The following MAGI1 variants were observed in gnomAD, a reference collection of about 807,000 sequenced individuals.
The protein encoded by MAGI1 is membrane-associated guanylate kinase, WW and PDZ domain-containing protein 1.
Under a neutral mutation model 139.9 loss-of-function variants are expected in MAGI1, and 58 were observed. The ratio of observed to expected loss-of-function variants is 0.41; its 90% CI spans 0.34 to 0.52. MAGI1 has a LOEUF of 0.52. MAGI1 is among the 20% of genes least tolerant of loss of function. MAGI1 has a pLI of 0.12. For missense variants in MAGI1, 1,874 were observed against 1,901.6 expected, an observed-to-expected ratio of 0.99 and a Z score of 0.27; for synonymous variants, 812 against 737.9, an observed-to-expected ratio of 1.10 and a Z score of -1.63.
chr3:65,886,630 C>T (rs1004506433), intron 1 of MAGI1, among the ~76,000 whole-genome samples: 4 of 152,158 alleles, frequency 2.6e-5, no homozygotes, highest in Non-Finnish European at 5.9e-5. Flanking sequence ...CTCTTGTCTC[C>T]GTCTCACTAG....
At chr3:65,365,871 T>G (rs1941374771) in intron 18 of MAGI1, among the ~76,000 whole-genome samples, 1 of 152,212 alleles carries the variant, frequency 6.6e-6, no homozygotes, top group African/African-American at 2.4e-5. Context: ...TATTCCAAAC[T>G]GAGATACCTA....
Position 65,665,822 on chromosome 3 carries a change from G to C in MAGI1, c.314-43734C>G, listed in dbSNP as rs150559465. Among the ~76,000 whole-genome samples, 33 of 152,254 alleles carry C rather than the reference G, an allele frequency of 2.2e-4. No homozygotes were observed. In the East Asian group the frequency reaches 5.6e-3, roughly 26 times the overall value. On this transcript the variant is annotated intron_variant, in intron 1 of 22. Coordinates refer to ENST00000402939, the MANE Select transcript of MAGI1 (RefSeq NM_001033057.2). ...ATGTTTTAAAGGCTCCTCATCCACA[G>C]ACCCATGTTTATGAACCACTGTGAT...
intron 1 of MAGI1, among the ~76,000 whole-genome samples, chr3:65,836,305 T>C (rs2042801523): frequency 6.6e-6 from 1 of 152,240 alleles, no homozygotes; most frequent in Non-Finnish European, 1.5e-5. Flanking sequence ...TACTCAGTGA[T>C]ATGTTGGATG....
chr3:65,591,418 C>A (rs1425994524), intron 2 of MAGI1, among the ~76,000 whole-genome samples: 1 of 152,154 alleles, frequency 6.6e-6, no homozygotes, highest in East Asian at 1.9e-4. Context: ...CCACTTTGTA[C>A]ACCTCCACTA....
chr3:66,006,455 G>A (rs896292142), intron 1 of MAGI1, among the ~76,000 whole-genome samples: 1 of 152,144 alleles, frequency 6.6e-6, no homozygotes, highest in African/African-American at 2.4e-5. Flanking sequence ...ACATGTATAT[G>A]TGTTTATGTG....
chr3:65,539,227 T>G (rs566835198), intron 2 of MAGI1, among the ~76,000 whole-genome samples: 2 of 152,160 alleles, frequency 1.3e-5, no homozygotes, highest in Non-Finnish European at 2.9e-5. Flanking sequence ...ACATACCAAC[T>G]ACTGTCAACC....
chr3:65,607,596 G>A (rs1006003255), intron 2 of MAGI1, among the ~76,000 whole-genome samples: 1 of 152,118 alleles, frequency 6.6e-6, no homozygotes, highest in Non-Finnish European at 1.5e-5. Context: ...GGAGTGAGAG[G>A]AAATAAAACA....
At chr3:65,664,126 A>G (rs1350982760) in intron 1 of MAGI1, among the ~76,000 whole-genome samples, 2 of 150,824 alleles carry the variant, frequency 1.3e-5, no homozygotes, top group Admixed American at 1.3e-4. Flanking sequence ...CCCAACTACT[A>G]TTGCAATGGG....
At chr3:65,417,378 T>A (rs1946304125) in intron 12 of MAGI1, among the ~76,000 whole-genome samples, 1 of 152,134 alleles carries the variant, frequency 6.6e-6, no homozygotes. Context: ...ATAATATTCC[T>A]CATAGCAAAG....
At chr3:65,550,158 C>A (rs1408936458) in intron 2 of MAGI1, among the ~76,000 whole-genome samples, 1 of 152,150 alleles carries the variant, frequency 6.6e-6, no homozygotes, top group East Asian at 1.9e-4. Context: ...AAGTTTCTAT[C>A]CTGGTCCTAC....
intron 1 of MAGI1, among the ~76,000 whole-genome samples, chr3:65,734,633 G>C (rs895870812): frequency 6.6e-6 from 1 of 151,848 alleles, no homozygotes; most frequent in African/African-American, 2.4e-5. Flanking sequence ...ATTATCATTA[G>C]TCAAATCTCT....
At chr3:65,686,596 G>A (rs562367180) in intron 1 of MAGI1, among the ~76,000 whole-genome samples, 1 of 152,226 alleles carries the variant, frequency 6.6e-6, no homozygotes, top group South Asian at 2.1e-4. Context: ...CAGCCCTGTA[G>A]GGTTGTTTTC....
rs529082055 is a variant in MAGI1, at chr3:65,897,615, C to T, written c.313+140381G>A. Among the ~76,000 whole-genome samples the T allele has an allele frequency of 5.5e-5, 8 of 145,690 alleles. No homozygotes were observed. The South Asian group carries it at 1.5e-3, about 28-fold the overall frequency. ...CATGTACCCCTATGTAACAAACCTG[C>T]ATGTTGTGCACATGTACCCTAGGAC... On this transcript the variant is annotated intron_variant, in intron 1 of 22. Transcript: ENST00000402939.
At chr3:65,799,497 C>G (rs926442145) in intron 1 of MAGI1, among the ~76,000 whole-genome samples, 2 of 152,180 alleles carry the variant, frequency 1.3e-5, no homozygotes, top group Non-Finnish European at 2.9e-5. Context: ...GATGAAGAAG[C>G]AGCTGTCACA....
chr3:65,752,052 C>T (rs1179060165), intron 1 of MAGI1, among the ~76,000 whole-genome samples: 1 of 152,200 alleles, frequency 6.6e-6, no homozygotes, highest in African/African-American at 2.4e-5. Context: ...AAGCCATCAT[C>T]CCGCCTCAGC....
intron 1 of MAGI1, among the ~76,000 whole-genome samples, chr3:65,905,176 G>A (rs998357608): frequency 1.3e-5 from 2 of 152,116 alleles, no homozygotes; most frequent in Non-Finnish European, 2.9e-5. Flanking sequence ...TATTCAGCTA[G>A]GGTTGAGAAC....
intron 1 of MAGI1, among the ~76,000 whole-genome samples, chr3:65,761,523 C>G (rs1208350996): frequency 3.9e-5 from 6 of 152,164 alleles, no homozygotes; most frequent in Non-Finnish European, 5.9e-5. Flanking sequence ...GGTTTCATTT[C>G]TAACCTCTCC....
At chr3:65,436,287 T>C (rs556054454) in intron 10 of MAGI1, among the ~76,000 whole-genome samples, 4 of 152,162 alleles carry the variant, frequency 2.6e-5, no homozygotes, top group African/African-American at 9.6e-5. Context: ...ACAAATTTTA[T>C]AGTATTTTTA....
At chr3:65,756,489 A>G (rs1478369248) in intron 1 of MAGI1, among the ~76,000 whole-genome samples, 1 of 152,092 alleles carries the variant, frequency 6.6e-6, no homozygotes, top group South Asian at 2.1e-4. Context: ...TTTAAATAAA[A>G]CCCTGCCCTA....
Sources: gnomAD v4.1 joint callset for allele counts (sites outside exome capture counted in the v4.1 genomes callset) on GRCh38, gnomAD v4.1.1 for gene constraint, MANE v1.5 for transcripts, NCBI Gene and HGNC (gene_info 2026-07-23, HGNC 2026-07-21) for gene names.